Variants in PRKAG2 observed in about 807,000 individuals in gnomAD.
PRKAG2 encodes the protein 5'-AMP-activated protein kinase subunit gamma-2.
In PRKAG2, 26 loss-of-function variants were observed where a neutral mutation model predicts 69.6. That is an observed-to-expected ratio of 0.37 (90% CI 0.27 to 0.52). The LOEUF (loss-of-function observed/expected upper bound fraction) is 0.52, where lower values mean the gene tolerates loss of function less well. PRKAG2 is among the 20% of genes least tolerant of loss of function. The pLI, the probability that PRKAG2 is intolerant of heterozygous loss-of-function variation, is 0.90. For missense variants in PRKAG2, 557 were observed against 740.0 expected (o/e 0.75, Z 2.87); for synonymous variants, 293 against 285.0 (o/e 1.03, Z -0.28).
chr7:151,561,148 T>C (rs879553781), intron 14 of PRKAG2, among the ~76,000 whole-genome samples: 2 of 152,162 alleles, frequency 1.3e-5, no homozygotes, highest in African/African-American at 2.4e-5. Context: ...ATGATACTGA[T>C]TTGTCTCTAA....
rs144406628 is a variant in PRKAG2, at chr7:151,688,011, GGGAGGA to G, written c.467-12380_467-12375del. ...TTGGCACTTTGGGTTTGGAAGGGGA[GGGAGGA>G]GGAGGAGGAGGAGGAGGAAATGAGG... On this transcript the variant is annotated intron_variant, in intron 3 of 15. Coordinates refer to ENST00000287878, the MANE Select transcript of PRKAG2 (RefSeq NM_016203.4). Among the ~76,000 whole-genome samples the G allele has an allele frequency of 5.7e-4, 72 of 126,288 alleles. 3 individuals carry two copies. Among genetic ancestry groups the G allele is most frequent in the African/African-American group, 1.8e-3 (61 of 34,692 alleles). The allele number at this position is 126,288 out of a possible 152,430, so 82.8% of individuals were successfully genotyped here. A position where few individuals can be genotyped will look rare whatever the true frequency, so the allele number is the denominator to read the frequency against.
rs1427225683 is a variant in PRKAG2, at chr7:151,850,696, C to T, written c.114+25811G>A. 1.3e-5 allele frequency among the ~76,000 whole-genome samples: 2 copies of T among 152,260 alleles called. No individual in the cohort carries two copies. Among genetic ancestry groups the T allele is most frequent in the Non-Finnish European group, 2.9e-5 (2 of 68,052 alleles). ...GGCCCTTGTGCCCCACCAGCATCCA[C>T]CCGCCCCACCGGCTTCTGCCAGAGG... On this transcript the variant is annotated intron_variant, in intron 1 of 15. Coordinates refer to ENST00000287878, the MANE Select transcript of PRKAG2 (RefSeq NM_016203.4). This position sits in a 1 kb window ranked among gnomAD's most constrained non-coding sequence, Gnocchi z 4.1.
At chr7:151,591,694 C>T (rs1016243466) in intron 6 of PRKAG2, among the ~76,000 whole-genome samples, 10 of 152,064 alleles carry the variant, frequency 6.6e-5, no homozygotes, top group African/African-American at 9.7e-5. Context: ...GCCCAGGGCA[C>T]GATCAGGCAT....
At chr7:151,855,098 CCACACA>C (rs1262131437) in intron 1 of PRKAG2, among the ~76,000 whole-genome samples, 10 of 48,694 alleles carry the variant, frequency 2.1e-4, no homozygotes, top group Non-Finnish European at 2.9e-4. Context: ...ACACCATCCT[CCACACA>C]CACCACCCTA....
intron 5 of PRKAG2, among the ~76,000 whole-genome samples, chr7:151,622,334 T>A (rs188267415): frequency 6.6e-6 from 1 of 152,354 alleles, no homozygotes; most frequent in Admixed American, 6.5e-5. Context: ...TTTTGCAATA[T>A]AATGGATCTT....
At chr7:151,590,109 T>A (rs182620152) in intron 6 of PRKAG2, among the ~76,000 whole-genome samples, 2 of 152,280 alleles carry the variant, frequency 1.3e-5, no homozygotes, top group East Asian at 3.9e-4. Context: ...AAAAAAGCCA[T>A]CATCTGTGCC....
At chr7:151,631,008 G>A (rs1277569243) in intron 5 of PRKAG2, among the ~76,000 whole-genome samples, 2 of 152,180 alleles carry the variant, frequency 1.3e-5, no homozygotes, top group Non-Finnish European at 2.9e-5. Flanking sequence ...ACAGGCACCC[G>A]GCTAATTCTA....
chr7:151,697,750 G>A (rs1369264583), intron 3 of PRKAG2, among the ~76,000 whole-genome samples: 2 of 152,196 alleles, frequency 1.3e-5, no homozygotes, highest in African/African-American at 2.4e-5. Context: ...GGCAGGTGCC[G>A]GGAGCAGACA....
intron 1 of PRKAG2, among the ~76,000 whole-genome samples, chr7:151,821,376 C>A (rs1412170001): frequency 6.6e-6 from 1 of 152,168 alleles, no homozygotes; most frequent in African/African-American, 2.4e-5. Context: ...AGCTGGGAAC[C>A]AGGATTGGGC....
At position 151,628,611 on chromosome 7, in the gene PRKAG2, C is replaced by T. The variant is rs546047515; in HGVS notation, c.754+3458G>A. 2.0e-5 allele frequency among the ~76,000 whole-genome samples: 3 copies of T among 151,092 alleles called. No individual in the cohort carries two copies. In the South Asian group the frequency reaches 6.3e-4, roughly 32 times the overall value. On this transcript the variant is annotated intron_variant, in intron 5 of 15. Transcript: ENST00000287878. Reference sequence around the variant, plus strand: ...CCTGTAGTCCCAGCTACTTGGGAGGCGGAAGCACCACTTGAGCCCAGGAGG... The same window carrying T: ...CCTGTAGTCCCAGCTACTTGGGAGGTGGAAGCACCACTTGAGCCCAGGAGG...
intron 1 of PRKAG2, among the ~76,000 whole-genome samples, chr7:151,801,667 G>T (rs1398502284): frequency 6.6e-6 from 1 of 152,170 alleles, no homozygotes; most frequent in Non-Finnish European, 1.5e-5. Context: ...CTTATTTTTG[G>T]TGTTTTGTTG....
intron 1 of PRKAG2, among the ~76,000 whole-genome samples, chr7:151,845,540 G>A (rs762256331): frequency 2.6e-5 from 4 of 152,162 alleles, no homozygotes; most frequent in Non-Finnish European, 5.9e-5. Flanking sequence ...GTTGAGGAGG[G>A]AGGAAGCGGT....
At chr7:151,776,590 C>T (rs897774081) in intron 3 of PRKAG2, among the ~76,000 whole-genome samples, 1 of 152,220 alleles carries the variant, frequency 6.6e-6, no homozygotes. Flanking sequence ...TACACACGGG[C>T]CCCAGCAGGC....
At chr7:151,626,003 G>A (rs983345806) in intron 5 of PRKAG2, among the ~76,000 whole-genome samples, 5 of 152,176 alleles carry the variant, frequency 3.3e-5, no homozygotes, top group Admixed American at 6.5e-5. Context: ...GCTGGCTGTG[G>A]GGTTGGAGCT....
chr7:151,566,480 G>A, intron 11 of PRKAG2: 1 of 354,184 alleles, frequency 2.8e-6, no homozygotes, highest in Non-Finnish European at 5.6e-6. Flanking sequence ...CTTTTCATGG[G>A]CTGTTTTAAA....
intron 1 of PRKAG2, among the ~76,000 whole-genome samples, chr7:151,870,805 G>A (rs551710993): frequency 3.9e-5 from 6 of 152,334 alleles, no homozygotes; most frequent in Admixed American, 1.3e-4. Flanking sequence ...GCCACGCGGC[G>A]GGGGGAGGCA....
intron 3 of PRKAG2, among the ~76,000 whole-genome samples, chr7:151,759,494 A>G (rs1166170113): frequency 2.0e-5 from 3 of 152,098 alleles, no homozygotes; most frequent in Non-Finnish European, 2.9e-5. Flanking sequence ...GCAGGTTCTC[A>G]TGTAACGTGG....
intron 1 of PRKAG2, among the ~76,000 whole-genome samples, chr7:151,805,529 T>C (rs1422096688): frequency 6.6e-6 from 1 of 152,244 alleles, no homozygotes; most frequent in African/African-American, 2.4e-5. Context: ...CTTGTGACTA[T>C]GTAACCCTGG....
intron 1 of PRKAG2, among the ~76,000 whole-genome samples, chr7:151,870,148 GATAGA>G: frequency 7.6e-6 from 1 of 132,236 alleles, no homozygotes; most frequent in African/African-American, 2.7e-5. Flanking sequence ...TAGATAGATA[GATAGA>G]TAGGCAGGCA....
Sources: gnomAD v4.1 joint callset for allele counts (sites outside exome capture counted in the v4.1 genomes callset) on GRCh38, gnomAD v4.1.1 for gene constraint, Gnocchi (gnomAD v3.1) non-coding constraint, MANE v1.5 for transcripts, NCBI Gene and HGNC (gene_info 2026-07-23, HGNC 2026-07-21) for gene names.